ERICH1: variants seen among roughly 807,000 people sequenced by gnomAD.
The protein encoded by ERICH1 is glutamate rich 1, also known as glutamate-rich protein 1.
In ERICH1, 56 loss-of-function variants were observed where a neutral mutation model predicts 39.6. The ratio of observed to expected loss-of-function variants is 1.41; its 90% CI spans 1.14 to 1.77. ERICH1 has a LOEUF of 1.77. Ranked by LOEUF, ERICH1 falls within the 40% of genes most tolerant of loss-of-function variation. The pLI is 0.00. For missense variants in ERICH1, 826 were observed against 575.4 expected (o/e 1.44, Z -4.45); for synonymous variants, 313 against 223.6 (o/e 1.40, Z -3.57).
At chr8:699,455 C>T (rs1406866155) in intron 2 of ERICH1, among the ~76,000 whole-genome samples, 2 of 152,144 alleles carry the variant, frequency 1.3e-5, no homozygotes, top group Non-Finnish European at 2.9e-5. Flanking sequence ...GTGTAAAATC[C>T]AAGGACAAGC....
chr8:655,916 A>G (rs987030158), intron 3 of ERICH1, among the ~76,000 whole-genome samples: 1 of 151,910 alleles, frequency 6.6e-6, no homozygotes, highest in African/African-American at 2.4e-5. Flanking sequence ...CCCATCCACT[A>G]TGCTGTTCTC....
At chr8:619,554 G>C (rs1019603241) in intron 3 of ERICH1, among the ~76,000 whole-genome samples, 1 of 152,102 alleles carries the variant, frequency 6.6e-6, no homozygotes, top group South Asian at 2.1e-4. Context: ...GTATCCACCG[G>C]GGGAAGAAAA....
intron 3 of ERICH1, among the ~76,000 whole-genome samples, chr8:641,553 C>G (rs141172336): frequency 1.3e-5 from 2 of 152,356 alleles, no homozygotes; most frequent in East Asian, 3.9e-4. Flanking sequence ...GTCTCTCATT[C>G]CACATCGAAA....
chr8:616,912 G>A lies in ERICH1; in HGVS notation c.977-1628C>T, dbSNP rs1563156784. ...AGACACACACACACACAGAGAGAGAGAGAGAGACAGAAAGAGACAGAGAGA... is the reference window on the plus strand; with the variant it reads ...AGACACACACACACACAGAGAGAGAAAGAGAGACAGAAAGAGACAGAGAGA... On this transcript the variant is annotated intron_variant, in intron 3 of 3. Transcript: ENST00000522706. Among the ~76,000 whole-genome samples the A allele has an allele frequency of 1.8e-4, 9 of 51,146 alleles. 3 individuals carry two copies. Among genetic ancestry groups the A allele is most frequent in the Middle Eastern group, 0.017 (2 of 120 alleles). 33.6% of individuals were successfully genotyped at this position (51,146 alleles called of 152,430 possible).
In ERICH1 at chr8:655,064, C is replaced by T. The variant is rs567045874; in HGVS notation, c.976+13534G>A. Among the ~76,000 whole-genome samples the T allele has an allele frequency of 1.2e-4, 19 of 152,272 alleles. No homozygotes were observed. In the South Asian group the frequency reaches 3.7e-3, roughly 30 times the overall value. On this transcript the variant is annotated intron_variant, in intron 3 of 3. Transcript: ENST00000522706. ...GCTCACTACAGAAAGCCGTGGAGAA[C>T]AACAAAAAGGAAAACCAACCCCGAG... is the stretch of plus-strand genomic sequence containing the variant.
At chr8:616,295 G>C in intron 3 of ERICH1, 1 of 303,620 alleles carries the variant, frequency 3.3e-6, no homozygotes, top group South Asian at 2.7e-5. Context: ...CATTTGTGTG[G>C]CAGGACAAGC....
At chr8:638,947 A>G (rs1230879942) in intron 3 of ERICH1, among the ~76,000 whole-genome samples, 1 of 152,122 alleles carries the variant, frequency 6.6e-6, no homozygotes, top group African/African-American at 2.4e-5. Context: ...TTTTGAACCC[A>G]TAAACGCCTA....
At chr8:703,349 A>G (rs547448250) in intron 2 of ERICH1, among the ~76,000 whole-genome samples, 5,081 of 152,294 alleles carry the variant, frequency 0.033, 183 homozygotes, top group Admixed American at 0.12. Context: ...AGATGAAAAA[A>G]ATACAGTGTT....
intron 3 of ERICH1, among the ~76,000 whole-genome samples, chr8:620,204 C>A (rs547063669): frequency 6.6e-6 from 1 of 152,164 alleles, no homozygotes; most frequent in Admixed American, 6.5e-5. Flanking sequence ...CCCAGCTACT[C>A]AGGAGGCTGA....
chr8:674,471 T>G (rs1804206079), intron 3 of ERICH1, among the ~76,000 whole-genome samples: 1 of 152,000 alleles, frequency 6.6e-6, no homozygotes, highest in Non-Finnish European at 1.5e-5. Context: ...CCCAGCTAAT[T>G]TTTTTTATTT....
chr8:712,687 T>C lies in ERICH1; in HGVS notation c.169+3174A>G, dbSNP rs945242738. ...CTCCTGACCCTGTGATCCGCCCACC[T>C]TGGCCTCCCAAAGTGCTGGGTGTTT... On this transcript the variant is annotated intron_variant, in intron 2 of 5. Coordinates refer to ENST00000262109, the MANE Select transcript of ERICH1 (RefSeq NM_207332.3). Among the ~76,000 whole-genome samples, 9 of 152,348 alleles carry C rather than the reference T, an allele frequency of 5.9e-5. No individual in the cohort carries two copies. In the East Asian group the frequency reaches 1.5e-3, roughly 26 times the overall value.
chr8:718,816 A>G (rs1369009489), intron 1 of ERICH1, among the ~76,000 whole-genome samples: 1 of 152,194 alleles, frequency 6.6e-6, no homozygotes, highest in Non-Finnish European at 1.5e-5. Context: ...GATTTCTGCA[A>G]TTCCCCTGCA....
rs1451043598 is a variant in ERICH1 at position 700,080 on chromosome 8, GACCC to G, written c.170-7472_170-7469del. Among the ~76,000 whole-genome samples, 321 of 120,778 alleles carry G rather than the reference GACCC, an allele frequency of 2.7e-3. 12 individuals are homozygous for G. The highest frequency in any genetic ancestry group is 0.018 in the Middle Eastern group (2 of 114). 79.2% of individuals were successfully genotyped at this position (120,778 alleles called of 152,430 possible). ...GCGCACAGGCCCTCACAGGCGCACA[GACCC>G]GCACACGCGCACAGACCCGCACACG... On this transcript the variant is annotated intron_variant, in intron 2 of 5. Coordinates refer to ENST00000262109, the MANE Select transcript of ERICH1 (RefSeq NM_207332.3).
intron 3 of ERICH1, among the ~76,000 whole-genome samples, chr8:688,256 C>G (rs1807981532): frequency 8.5e-6 from 1 of 117,032 alleles, no homozygotes; most frequent in Admixed American, 8.2e-5. Flanking sequence ...AAAGCGGCAC[C>G]CCGCCCCCAG....
chr8:617,017 G>A (rs1467429272), intron 3 of ERICH1, among the ~76,000 whole-genome samples: 1 of 150,244 alleles, frequency 6.7e-6, no homozygotes, highest in Non-Finnish European at 1.5e-5. Flanking sequence ...TATCCAGAAG[G>A]AAGAAAAACG....
downstream of ERICH1, among the ~76,000 whole-genome samples, chr8:661,547 G>T (rs533901836): frequency 6.6e-6 from 1 of 152,116 alleles, no homozygotes; most frequent in African/African-American, 2.4e-5. Flanking sequence ...CTTAATTGAC[G>T]TGGTTTACAG....
chr8:700,710 A>T (rs1585464886), intron 2 of ERICH1, among the ~76,000 whole-genome samples: 1 of 70,926 alleles, frequency 1.4e-5, no homozygotes, highest in African/African-American at 3.7e-5. Context: ...AAAGGTGCTC[A>T]GCGGTGGGAG....
rs1471739042 is a variant in ERICH1 at position 719,692 on chromosome 8, C to T, written c.23-3685G>A. ...CCTCAGTGGCTTTCCTTCCTCACTC[C>T]TTCCATGTTTATCACGTGGAATTTT... On this transcript the variant is annotated intron_variant, in intron 1 of 5. Coordinates refer to ENST00000262109, the MANE Select transcript of ERICH1 (RefSeq NM_207332.3). 3.3e-5 allele frequency among the ~76,000 whole-genome samples: 5 copies of T among 152,228 alleles called. No homozygotes were observed. In the East Asian group the frequency reaches 9.6e-4, roughly 29 times the overall value.
chr8:677,428 C>G (rs1250055591), intron 3 of ERICH1, among the ~76,000 whole-genome samples: 2 of 152,226 alleles, frequency 1.3e-5, no homozygotes, highest in African/African-American at 4.8e-5. Flanking sequence ...GCTGAAGCAG[C>G]TCCGCACACA....
Sources: gnomAD v4.1 joint callset for allele counts (sites outside exome capture counted in the v4.1 genomes callset) on GRCh38, gnomAD v4.1.1 for gene constraint, MANE v1.5 for transcripts, NCBI Gene and HGNC (gene_info 2026-07-23, HGNC 2026-07-21) for gene names.